WWOX: variants seen among roughly 807,000 people sequenced by gnomAD.
The protein encoded by WWOX is WW domain containing oxidoreductase.
WWOX carries 69 observed loss-of-function variants against 46.2 expected under a neutral mutation model. The observed-to-expected ratio is 1.49, with a 90% CI of 1.23 to 1.82. WWOX has a LOEUF of 1.82. Among genes scored for constraint, WWOX ranks in the 40% most tolerant of loss-of-function variants. The pLI is 0.00. For synonymous variants in WWOX, 359 were observed against 202.6 expected, an observed-to-expected ratio of 1.77 and a Z score of -6.56; for missense variants, 919 against 542.6, an observed-to-expected ratio of 1.69 and a Z score of -6.89.
chr16:78,917,768 A>G (rs1309815338), intron 8 of WWOX, among the ~76,000 whole-genome samples: 1 of 152,152 alleles, frequency 6.6e-6, no homozygotes, highest in Non-Finnish European at 1.5e-5. Flanking sequence ...AGGTCTATTA[A>G]TAAATATCTG....
intron 8 of WWOX, among the ~76,000 whole-genome samples, chr16:79,120,754 C>G (rs1395103493): frequency 6.6e-6 from 1 of 152,064 alleles, no homozygotes; most frequent in Admixed American, 6.6e-5. Context: ...TGAAATTTCC[C>G]TCTGCGTTTA....
chr16:79,204,597 C>G (rs1475057109), intron 8 of WWOX: 2 of 152,148 alleles, frequency 1.3e-5, no homozygotes, highest in African/African-American at 4.8e-5. Context: ...ATGAAAAGGG[C>G]TTCACTCGTT....
intron 8 of WWOX, among the ~76,000 whole-genome samples, chr16:79,014,207 C>T (rs967864909): frequency 8.5e-5 from 13 of 152,292 alleles, no homozygotes; most frequent in Admixed American, 7.2e-4. Context: ...TTTTCAACAT[C>T]TTCCCGAGAT....
At chr16:78,629,920 T>C (rs2046389056) in intron 8 of WWOX, among the ~76,000 whole-genome samples, 1 of 152,228 alleles carries the variant, frequency 6.6e-6, no homozygotes, top group Non-Finnish European at 1.5e-5. Context: ...AAAATTAACG[T>C]AGATCACAGA....
intron 8 of WWOX, among the ~76,000 whole-genome samples, chr16:78,784,806 T>G (rs2050414773): frequency 6.6e-6 from 1 of 152,116 alleles, no homozygotes; most frequent in South Asian, 2.1e-4. Flanking sequence ...AGGACTCACA[T>G]GTGTCGGTCC....
intron 8 of WWOX, chr16:78,891,850 A>G (rs898288689): frequency 1.3e-5 from 2 of 152,328 alleles, no homozygotes; most frequent in East Asian, 3.9e-4. Flanking sequence ...TTAAACTTTA[A>G]ATAATGACCA....
At chr16:78,164,106 C>A (rs1315770239) in intron 4 of WWOX, 77 bp from the exon 5 acceptor site, 2 of 1,331,650 alleles carry the variant, frequency 1.5e-6, no homozygotes, top group Admixed American at 1.9e-5. Flanking sequence ...TTAAGTGGTG[C>A]TCCGGTAAAG....
intron 8 of WWOX, among the ~76,000 whole-genome samples, chr16:78,564,873 C>T (rs1205350145): frequency 6.6e-6 from 1 of 151,876 alleles, no homozygotes; most frequent in East Asian, 1.9e-4. Flanking sequence ...GCTCCCTTTT[C>T]TCCCCACTCT....
At chr16:78,286,744 C>T (rs2079774107) in intron 5 of WWOX, among the ~76,000 whole-genome samples, 1 of 152,134 alleles carries the variant, frequency 6.6e-6, no homozygotes, top group South Asian at 2.1e-4. Flanking sequence ...GCTTCTTCTT[C>T]ATTATGTACC....
chr16:79,191,755 A>G (rs2051141313), intron 8 of WWOX, among the ~76,000 whole-genome samples: 1 of 152,246 alleles, frequency 6.6e-6, no homozygotes. Flanking sequence ...TGGAGCCTCA[A>G]GCTCAGGGAG....
At chr16:78,797,605 A>G (rs959327851) in intron 8 of WWOX, among the ~76,000 whole-genome samples, 49 of 152,246 alleles carry the variant, frequency 3.2e-4, no homozygotes, top group Middle Eastern at 3.4e-3. Context: ...CTGAGCTTCC[A>G]TGTGCTTATT....
At chr16:78,931,006 C>T (rs529775067) in intron 8 of WWOX, among the ~76,000 whole-genome samples, 1 of 152,176 alleles carries the variant, frequency 6.6e-6, no homozygotes, top group East Asian at 1.9e-4. Flanking sequence ...ATGGGGATAG[C>T]AATATCTATC....
At position 78,163,910 on chromosome 16, in the gene WWOX, G is replaced by T. The variant is rs75967182; in HGVS notation, c.410-273G>T. On this transcript the variant is annotated intron_variant, in intron 4 of 8. Transcript: ENST00000566780. Reference sequence around the variant, plus strand: ...TCACCATCACAGTGTTGACAGTCCGGGCCAGATGGTTCTATGTTGTCAGGG... The same window carrying T: ...TCACCATCACAGTGTTGACAGTCCGTGCCAGATGGTTCTATGTTGTCAGGG... Among the ~76,000 whole-genome samples the T allele has an allele frequency of 0.012, 1,792 of 152,208 alleles. 29 individuals are homozygous for T. The highest frequency in any genetic ancestry group is 0.026 in the African/African-American group (1,062 of 41,532).
At chr16:78,651,646 C>G (rs1172966675) in intron 8 of WWOX, among the ~76,000 whole-genome samples, 2 of 152,198 alleles carry the variant, frequency 1.3e-5, no homozygotes, top group Non-Finnish European at 2.9e-5. Flanking sequence ...GCTCATGTCC[C>G]CAGGCCATGA....
At chr16:78,837,098 AG>A (rs1235938201) in intron 8 of WWOX, among the ~76,000 whole-genome samples, 3 of 151,908 alleles carry the variant, frequency 2.0e-5, no homozygotes, top group African/African-American at 7.3e-5. Context: ...CTGCTTAGGG[AG>A]GGGGGAGAAG....
intron 6 of WWOX, among the ~76,000 whole-genome samples, chr16:78,412,482 C>T (rs2082704510): frequency 6.6e-6 from 1 of 152,042 alleles, no homozygotes; most frequent in Non-Finnish European, 1.5e-5. Flanking sequence ...GAAGAAACTG[C>T]TGCAGGGAAG....
intron 8 of WWOX, among the ~76,000 whole-genome samples, chr16:78,565,132 A>G (rs1302111558): frequency 2.6e-5 from 4 of 152,240 alleles, no homozygotes; most frequent in Non-Finnish European, 4.4e-5. Context: ...GCAGAGTAGA[A>G]GGAACTCTGA....
At chr16:78,692,559 G>T (rs1597452909) in intron 8 of WWOX, among the ~76,000 whole-genome samples, 1 of 152,180 alleles carries the variant, frequency 6.6e-6, no homozygotes, top group Non-Finnish European at 1.5e-5. Flanking sequence ...AACACCTGTA[G>T]ATTTATAGAC....
intron 8 of WWOX, among the ~76,000 whole-genome samples, chr16:78,799,750 G>C (rs952676309): frequency 1.3e-5 from 2 of 152,180 alleles, no homozygotes; most frequent in Non-Finnish European, 2.9e-5. Context: ...AATGGAGAGA[G>C]GGGGAATTGG....
Sources: allele counts gnomAD v4.1 joint callset (sites outside exome capture counted in the v4.1 genomes callset), GRCh38; gene constraint gnomAD v4.1.1; transcripts MANE v1.5; gene names NCBI Gene and HGNC (gene_info 2026-07-23, HGNC 2026-07-21).